Variants in ST6GALNAC3 observed in about 807,000 individuals in gnomAD.
The protein encoded by ST6GALNAC3 is ST6 N-acetylgalactosaminide alpha-2,6-sialyltransferase 3.
A neutral mutation model predicts 32.7 loss-of-function variants in ST6GALNAC3; 25 were observed. The observed-to-expected ratio is 0.76, with a 90% CI of 0.56 to 1.07. ST6GALNAC3 has a LOEUF of 1.07. ST6GALNAC3 is among the 50% of genes least tolerant of loss of function. The pLI is 0.00. For missense variants in ST6GALNAC3, 355 were observed against 382.4 expected, an observed-to-expected ratio of 0.93 and a Z score of 0.60; for synonymous variants, 129 against 133.1, an observed-to-expected ratio of 0.97 and a Z score of 0.21.
At chr1:76,596,544 T>C (rs1647139777) in intron 3 of ST6GALNAC3, among the ~76,000 whole-genome samples, 1 of 152,212 alleles carries the variant, frequency 6.6e-6, no homozygotes, top group African/African-American at 2.4e-5. Flanking sequence ...GACAAATTTG[T>C]ATTTTCTTGT....
At chr1:76,485,780 T>C (rs1355120917) in intron 3 of ST6GALNAC3, among the ~76,000 whole-genome samples, 3 of 152,218 alleles carry the variant, frequency 2.0e-5, no homozygotes, top group Non-Finnish European at 4.4e-5. Context: ...TGAATGTGTT[T>C]GCTCTAGCTT....
chr1:76,075,451 G>A (rs1212036140), intron 1 of ST6GALNAC3, among the ~76,000 whole-genome samples: 2 of 152,176 alleles, frequency 1.3e-5, no homozygotes, highest in African/African-American at 2.4e-5. Context: ...AAGTTCACAC[G>A]AGGATGTATA....
At chr1:76,552,012 A>G (rs1570238332) in intron 3 of ST6GALNAC3, among the ~76,000 whole-genome samples, 1 of 151,958 alleles carries the variant, frequency 6.6e-6, no homozygotes, top group Non-Finnish European at 1.5e-5. Context: ...CAGGTGGGGG[A>G]GGTCAATGGG....
chr1:76,295,296 G>A (rs941270837), intron 1 of ST6GALNAC3, among the ~76,000 whole-genome samples: 3 of 152,042 alleles, frequency 2.0e-5, no homozygotes, highest in Non-Finnish European at 4.4e-5. Context: ...TACTAGCATG[G>A]CCCTTTGTAG....
chr1:76,595,131 T>C (rs751656568), intron 3 of ST6GALNAC3, among the ~76,000 whole-genome samples: 10 of 152,162 alleles, frequency 6.6e-5, no homozygotes, highest in Non-Finnish European at 1.5e-4. Context: ...GCTAGGGGAC[T>C]GCTGAAGAGT....
intron 2 of ST6GALNAC3, among the ~76,000 whole-genome samples, chr1:76,339,290 G>A (rs1423599068): frequency 6.6e-6 from 1 of 152,134 alleles, no homozygotes; most frequent in African/African-American, 2.4e-5. Context: ...GATGAAGACA[G>A]GGGAGTCAGA....
intron 3 of ST6GALNAC3, among the ~76,000 whole-genome samples, chr1:76,481,848 G>A (rs1659742886): frequency 6.6e-6 from 1 of 151,992 alleles, no homozygotes; most frequent in Non-Finnish European, 1.5e-5. Context: ...AAATGTCTGG[G>A]GCTCCACTAG....
At chr1:76,118,183 C>T (rs1648616432) in intron 1 of ST6GALNAC3, among the ~76,000 whole-genome samples, 1 of 152,124 alleles carries the variant, frequency 6.6e-6, no homozygotes, top group Admixed American at 6.5e-5. Flanking sequence ...TGTTCCCCTC[C>T]CTGTGCCCAT....
chr1:76,314,100 GC>G, intron 2 of ST6GALNAC3, 101 bp downstream of exon 2: 1 of 1,115,526 alleles, frequency 9.0e-7, no homozygotes, highest in Non-Finnish European at 1.2e-6. Flanking sequence ...TACTCTGTCT[GC>G]CCCGGAGAGC....
intron 1 of ST6GALNAC3, among the ~76,000 whole-genome samples, chr1:76,208,725 C>CT (rs1225810081): frequency 2.9e-5 from 3 of 102,680 alleles, no homozygotes; most frequent in East Asian, 1.7e-3. Context: ...GTAATTATTG[C>CT]TTTAAAAAAA....
intron 1 of ST6GALNAC3, among the ~76,000 whole-genome samples, chr1:76,152,276 C>T (rs941969175): frequency 3.3e-5 from 5 of 152,166 alleles, no homozygotes; most frequent in Non-Finnish European, 7.4e-5. Context: ...CACTGCTGAT[C>T]CATCCTAGAA....
chr1:76,158,572 G>T (rs567731815), intron 1 of ST6GALNAC3, among the ~76,000 whole-genome samples: 2 of 152,220 alleles, frequency 1.3e-5, no homozygotes, highest in East Asian at 1.9e-4. Context: ...TTTTGTTGTT[G>T]TTCTTCTTTT....
chr1:76,267,634 GTTA>G (rs1418873736), intron 1 of ST6GALNAC3, among the ~76,000 whole-genome samples: 1 of 152,134 alleles, frequency 6.6e-6, no homozygotes, highest in Non-Finnish European at 1.5e-5. Context: ...GAAGTAGACT[GTTA>G]TCTTCATTAT....
At chr1:76,636,176 A>C (rs1232442037), downstream of ST6GALNAC3, among the ~76,000 whole-genome samples, 1 of 152,194 alleles carries the variant, frequency 6.6e-6, no homozygotes, top group Non-Finnish European at 1.5e-5. Context: ...ACCAAGAGAG[A>C]ATATGGTTTC....
At chr1:76,499,389 A>G (rs147611078) in intron 3 of ST6GALNAC3, among the ~76,000 whole-genome samples, 23 of 152,344 alleles carry the variant, frequency 1.5e-4, no homozygotes, top group African/African-American at 5.3e-4. Flanking sequence ...TAAAGCACTT[A>G]TCAAACCACA....
intron 1 of ST6GALNAC3, among the ~76,000 whole-genome samples, chr1:76,159,065 A>G (rs1223040861): frequency 6.6e-6 from 1 of 152,110 alleles, no homozygotes; most frequent in Non-Finnish European, 1.5e-5. Context: ...TTCCCATTTT[A>G]GGGACAAGAG....
intron 3 of ST6GALNAC3, among the ~76,000 whole-genome samples, chr1:76,560,943 A>G (rs2100427477): frequency 6.6e-6 from 1 of 152,280 alleles, no homozygotes; most frequent in African/African-American, 2.4e-5. Flanking sequence ...CTTGGAAGCA[A>G]CCTAAGTGTC....
chr1:76,179,403 A>G (rs1338301827), intron 1 of ST6GALNAC3, among the ~76,000 whole-genome samples: 1 of 152,154 alleles, frequency 6.6e-6, no homozygotes. Flanking sequence ...ACATATGTAA[A>G]GAAGCCATCT....
intron 1 of ST6GALNAC3, among the ~76,000 whole-genome samples, chr1:76,141,888 C>T (rs74975693): frequency 0.021 from 3,245 of 152,272 alleles, 52 homozygotes; most frequent in Non-Finnish European, 0.033. Flanking sequence ...ACCCCTGCTT[C>T]GGTTTAGGTT....
Sources: gnomAD v4.1 joint callset for allele counts (sites outside exome capture counted in the v4.1 genomes callset) on GRCh38, gnomAD v4.1.1 for gene constraint, MANE v1.5 for transcripts, NCBI Gene and HGNC (gene_info 2026-07-23, HGNC 2026-07-21) for gene names.